ZNF487: variants seen among roughly 807,000 people sequenced by gnomAD.
The protein encoded by ZNF487 is KRAB domain only 1.
Under a neutral mutation model 3.0 loss-of-function variants are expected in ZNF487, and 4 were observed. The observed-to-expected ratio is 1.35, with a 90% CI of 0.66 to 3.08. The LOEUF is 3.08. ZNF487 is among the 30% of genes most tolerant of loss of function. The pLI is 0.01. For missense variants in ZNF487, 146 were observed against 98.7 expected (o/e 1.48, Z -2.03); for synonymous variants, 55 against 34.6 (o/e 1.59, Z -2.06).
At chr10:43,438,642 A>C (rs1188179033) in intron 1 of ZNF487, among the ~76,000 whole-genome samples, 1 of 152,182 alleles carries the variant, frequency 6.6e-6, no homozygotes, top group East Asian at 1.9e-4. Flanking sequence ...TCCAAGAGAA[A>C]TGAAAGCGGG....
At chr10:43,523,273 C>T in the ZNF487 span, 1 of 152,248 alleles carries the variant, frequency 6.6e-6, no homozygotes, top group African/African-American at 2.4e-5. Flanking sequence ...TGGAGAAGAA[C>T]CAGGAAAACC....
the ZNF487 span, among the ~76,000 whole-genome samples, chr10:43,513,602 G>A: frequency 2.0e-5 from 3 of 152,008 alleles, no homozygotes; most frequent in African/African-American, 7.3e-5. Flanking sequence ...TATTTTTCTA[G>A]GTAAAGGCAG....
At chr10:43,494,629 T>C in the ZNF487 span, among the ~76,000 whole-genome samples, 4 of 151,888 alleles carry the variant, frequency 2.6e-5, no homozygotes, top group East Asian at 7.7e-4. Flanking sequence ...GTTCGAGATA[T>C]ACCTTAGGGA....
At chr10:43,491,448 T>C in the ZNF487 span, among the ~76,000 whole-genome samples, 1 of 151,584 alleles carries the variant, frequency 6.6e-6, no homozygotes, top group Non-Finnish European at 1.5e-5. Flanking sequence ...CACTGCTGGT[T>C]TCAGCAGCCA....
At position 43,482,618 on chromosome 10, in the gene ZNF487, A is replaced by G. The variant is rs1204260590; in HGVS notation, c.*696A>G. On this transcript the variant is annotated 3_prime_UTR_variant, in exon 4 of 4. Coordinates refer to ENST00000437590, the MANE Select transcript of ZNF487 (RefSeq NM_001355444.3). ...GTCAGAAAGCCTTTGGTGATAGGTC[A>G]GCTCTAAAAGTACATCAGAGAATAC... 4.0e-6 allele frequency: 2 copies of G among 498,454 alleles called. No individual in the cohort carries two copies. 30.9% of individuals were successfully genotyped at this position (498,454 alleles called of 1,614,324 possible).
intron 1 of ZNF487, among the ~76,000 whole-genome samples, chr10:43,469,416 C>A (rs987551317): frequency 2.0e-5 from 3 of 152,240 alleles, no homozygotes; most frequent in Non-Finnish European, 4.4e-5. Flanking sequence ...TGGTCTCGAA[C>A]CCCTGACCTC....
At chr10:43,496,775 A>G in the ZNF487 span, among the ~76,000 whole-genome samples, 33 of 152,136 alleles carry the variant, frequency 2.2e-4, no homozygotes, top group Non-Finnish European at 4.7e-4. Context: ...CAGACTGCCA[A>G]TGTCACGTTA....
At position 43,475,796 on chromosome 10, in the gene ZNF487, A is replaced by T. The variant is rs1564426777; in HGVS notation, c.-18A>T. The T allele has an allele frequency of 1.3e-6, 1 of 780,620 alleles. No individual in the cohort carries two copies. The allele number at this position is 780,620 out of a possible 1,614,324, so 48.4% of individuals were successfully genotyped here. A position where few individuals can be genotyped will look rare whatever the true frequency, so the allele number is the denominator to read the frequency against. Reference sequence around the variant, plus strand: ...GCAGCATCTGGACTCTGCTCAGAGGACCCCGTACAGAGACATGATGCTGGA... The same window carrying T: ...GCAGCATCTGGACTCTGCTCAGAGGTCCCCGTACAGAGACATGATGCTGGA... On this transcript the variant is annotated 5_prime_UTR_variant, in exon 2 of 4. Transcript: ENST00000437590.
the ZNF487 span, among the ~76,000 whole-genome samples, chr10:43,489,403 G>A: frequency 6.6e-6 from 1 of 152,126 alleles, no homozygotes; most frequent in South Asian, 2.1e-4. Context: ...GCCCTGGCTG[G>A]AGTGCAATAA....
the ZNF487 span, among the ~76,000 whole-genome samples, chr10:43,502,734 A>G: frequency 6.6e-6 from 1 of 152,140 alleles, no homozygotes; most frequent in Non-Finnish European, 1.5e-5. Flanking sequence ...TCTCCTACTT[A>G]TTTAAAAAAG....
In ZNF487 at chr10:43,483,163, A is replaced by C. The variant is rs1326859500; in HGVS notation, c.*1241A>C. ...GTTGGGGTGAGAACACCCAATAAAG[A>C]TGAGAAATCTTTTGCCTAGAAGTGA... On this transcript the variant is annotated 3_prime_UTR_variant, in exon 4 of 4. Transcript: ENST00000437590. 1 of 440,732 alleles carries C rather than the reference A, an allele frequency of 2.3e-6. No individual in the cohort carries two copies. Among genetic ancestry groups the C allele is most frequent in the South Asian group, 1.6e-5 (1 of 61,796 alleles). 27.3% of individuals were successfully genotyped at this position (440,732 alleles called of 1,614,324 possible). A position where few individuals can be genotyped will look rare whatever the true frequency, so the allele number is the denominator to read the frequency against.
chr10:43,461,286 C>T (rs973597162), intron 1 of ZNF487, among the ~76,000 whole-genome samples: 3 of 149,874 alleles, frequency 2.0e-5, no homozygotes, highest in East Asian at 2.0e-4. Context: ...GGATTACAGG[C>T]GTGAGCCAAC....
chr10:43,483,747 G>A (rs1232369876), downstream of ZNF487, among the ~76,000 whole-genome samples: 1 of 151,970 alleles, frequency 6.6e-6, no homozygotes, highest in Non-Finnish European at 1.5e-5. Flanking sequence ...AGGGTGGTCT[G>A]GAACTCCTGA....
rs775456869 is a variant in ZNF487 at position 43,481,562 on chromosome 10, T to G, written c.264T>G (p.Leu88=). 11 of 710,028 alleles carry G rather than the reference T, an allele frequency of 1.5e-5. No homozygotes were observed. The highest frequency in any genetic ancestry group is 2.6e-5 in the Non-Finnish European group (10 of 383,016). The allele number at this position is 710,028 out of a possible 1,614,324, so 44.0% of individuals were successfully genotyped here. ...RNGVLGKTFS[L]DTNPILSRKI... is the part of the protein sequence containing the mutation. ...GTGTATTAGGAAAAACATTTTCTCT[T>G]GACACAAACCCCATTCTATCAAGAA... Residue 88 remains leucine (L), a synonymous_variant, in exon 4 of 4, where the codon CTT becomes CTG. Transcript: ENST00000437590.
the ZNF487 span, among the ~76,000 whole-genome samples, chr10:43,488,953 CA>C: frequency 4.9e-5 from 7 of 142,796 alleles, no homozygotes; most frequent in Admixed American, 1.4e-4. Flanking sequence ...CCTGTCTCTA[CA>C]AAAAAAAAAT....
At chr10:43,469,382 G>A (rs367582946) in intron 1 of ZNF487, among the ~76,000 whole-genome samples, 5 of 152,088 alleles carry the variant, frequency 3.3e-5, no homozygotes, top group South Asian at 2.1e-4. Context: ...TTATAGAGAC[G>A]GGCTTTCAGC....
At chr10:43,470,985 A>G (rs990880419) in intron 1 of ZNF487, among the ~76,000 whole-genome samples, 1 of 151,778 alleles carries the variant, frequency 6.6e-6, no homozygotes, top group East Asian at 1.9e-4. Context: ...GCACCACCAC[A>G]CTAATTTTTG....
At chr10:43,450,068 A>C (rs898305606) in intron 1 of ZNF487, among the ~76,000 whole-genome samples, 10 of 151,620 alleles carry the variant, frequency 6.6e-5, no homozygotes, top group Middle Eastern at 3.4e-3. Context: ...TTTGAGACGG[A>C]GTTTTGCTCT....
chr10:43,455,788 A>C (rs576328073), intron 1 of ZNF487, among the ~76,000 whole-genome samples: 1 of 152,220 alleles, frequency 6.6e-6, no homozygotes, highest in African/African-American at 2.4e-5. Context: ...CGTAGGAGAC[A>C]GCGCGCCAGG....
Sources: gnomAD v4.1 joint callset for allele counts (sites outside exome capture counted in the v4.1 genomes callset) on GRCh38, gnomAD v4.1.1 for gene constraint, MANE v1.5 for transcripts, NCBI Gene and HGNC (gene_info 2026-07-23, HGNC 2026-07-21) for gene names.